GNG7: variants seen among roughly 807,000 people sequenced by gnomAD.
The protein encoded by GNG7 is G protein subunit gamma 7, also known as guanine nucleotide-binding protein G(I)/G(S)/G(O) subunit gamma-7.
In GNG7, 1 loss-of-function variant was observed where a neutral mutation model predicts 4.0. The observed-to-expected ratio is 0.25, with a 90% CI of 0.09 to 1.18. The LOEUF is 1.18. Among genes scored for constraint, GNG7 ranks in the 50% most tolerant of loss-of-function variants. The pLI is 0.50. For synonymous variants in GNG7, 34 were observed against 36.9 expected (o/e 0.92, Z 0.29); for missense variants, 86 against 91.9 (o/e 0.94, Z 0.26).
intron 1 of GNG7, among the ~76,000 whole-genome samples, chr19:2,670,147 C>T (rs1983414822): frequency 6.6e-6 from 1 of 152,160 alleles, no homozygotes; most frequent in African/African-American, 2.4e-5. Flanking sequence ...TCTCTGAGTG[C>T]TCCGTTAATA....
At chr19:2,551,676 T>A (rs562777573) in intron 3 of GNG7, among the ~76,000 whole-genome samples, 1,616 of 83,494 alleles carry the variant, frequency 0.019, 31 homozygotes, top group African/African-American at 0.073. Context: ...ATTTAAAAAA[T>A]ATATATATAT....
intron 3 of GNG7, among the ~76,000 whole-genome samples, chr19:2,529,211 T>TTTTG (rs368933480): frequency 6.6e-6 from 1 of 152,070 alleles, no homozygotes; most frequent in African/African-American, 2.4e-5. Context: ...TGGTGGGTTT[T>TTTTG]TTTGTTTGTT....
chr19:2,596,632 G>T (rs918095909), intron 2 of GNG7, among the ~76,000 whole-genome samples: 2 of 151,324 alleles, frequency 1.3e-5, no homozygotes, highest in African/African-American at 4.9e-5. Flanking sequence ...TTATGCCACT[G>T]CACTCCAGCC....
intron 1 of GNG7, among the ~76,000 whole-genome samples, chr19:2,701,482 C>T (rs1165964639): frequency 6.6e-6 from 1 of 150,714 alleles, no homozygotes; most frequent in East Asian, 2.0e-4. Context: ...GCCCCCAGAC[C>T]CTTTCTGGAA....
intron 1 of GNG7, among the ~76,000 whole-genome samples, chr19:2,682,941 A>C (rs1293851588): frequency 6.6e-6 from 1 of 151,748 alleles, no homozygotes; most frequent in Non-Finnish European, 1.5e-5. Context: ...CTCACTGAAT[A>C]AGGACTCCCG....
At chr19:2,578,049 G>C (rs113911382) in intron 2 of GNG7, among the ~76,000 whole-genome samples, 2 of 151,788 alleles carry the variant, frequency 1.3e-5, no homozygotes, top group Admixed American at 6.6e-5. Context: ...TGTTGCCCAG[G>C]CTGGTCTTGA....
chr19:2,654,413 C>G (rs966231671), intron 1 of GNG7, among the ~76,000 whole-genome samples: 1 of 151,998 alleles, frequency 6.6e-6, no homozygotes, highest in Non-Finnish European at 1.5e-5. Context: ...GGGAGCTGAA[C>G]AGCATCCCTG....
rs1972673383 is a variant in GNG7 at position 2,512,739 on chromosome 19, G to A, written c.*2283C>T. 3.8e-6 allele frequency: 1 copy of A among 260,590 alleles called. No homozygotes were observed. Among genetic ancestry groups the A allele is most frequent in the South Asian group, 1.4e-4 (1 of 6,944 alleles). 16.1% of individuals were successfully genotyped at this position (260,590 alleles called of 1,614,324 possible). A position where few individuals can be genotyped will look rare whatever the true frequency, so the allele number is the denominator to read the frequency against. ...CTGGCAGCGGGGGCTCGGGGATTAA[G>A]GCCTCTTTTAAGGAAAAACGGGGTG... is the stretch of plus-strand genomic sequence containing the variant. On this transcript the variant is annotated 3_prime_UTR_variant, in exon 5 of 5. Coordinates refer to ENST00000382159, the MANE Select transcript of GNG7 (RefSeq NM_052847.3). The surrounding 1 kb of genome is among the most constrained non-coding windows in gnomAD (Gnocchi z 4.7).
chr19:2,685,741 G>A (rs539207210), intron 1 of GNG7, among the ~76,000 whole-genome samples: 7 of 152,270 alleles, frequency 4.6e-5, no homozygotes, highest in African/African-American at 7.2e-5. Flanking sequence ...GTCAAACGTC[G>A]GATGCCCAGT....
chr19:2,522,030 C>A (rs1233963862), intron 3 of GNG7, among the ~76,000 whole-genome samples: 4 of 152,078 alleles, frequency 2.6e-5, no homozygotes, highest in Non-Finnish European at 5.9e-5. Context: ...CTTGGGAGTC[C>A]GTGGAATCCC....
At chr19:2,524,875 T>A (rs1207652472) in intron 3 of GNG7, among the ~76,000 whole-genome samples, 4 of 152,152 alleles carry the variant, frequency 2.6e-5, no homozygotes, top group African/African-American at 9.7e-5. Flanking sequence ...CGTGCGTGGG[T>A]GTGTACATGT....
intron 3 of GNG7, among the ~76,000 whole-genome samples, chr19:2,534,930 G>C (rs1978690608): frequency 6.6e-6 from 1 of 152,190 alleles, no homozygotes; most frequent in South Asian, 2.1e-4. Context: ...CCCACATTGG[G>C]GAGGGGGAGG....
intron 2 of GNG7, among the ~76,000 whole-genome samples, chr19:2,578,127 C>G (rs186801902): frequency 2.0e-5 from 3 of 152,220 alleles, no homozygotes; most frequent in East Asian, 3.9e-4. Flanking sequence ...CGTGAGCCAC[C>G]GCGCCCGGCT....
chr19:2,654,509 A>G (rs546480949), intron 1 of GNG7, among the ~76,000 whole-genome samples: 1 of 132,290 alleles, frequency 7.6e-6, no homozygotes, highest in South Asian at 2.4e-4. Context: ...CCTGGGGAAC[A>G]GAATCATCCC....
intron 2 of GNG7, among the ~76,000 whole-genome samples, chr19:2,559,206 G>T (rs1027623044): frequency 6.6e-6 from 1 of 151,762 alleles, no homozygotes; most frequent in South Asian, 2.1e-4. Flanking sequence ...ATTATTTGTG[G>T]TAGTTCTGTT....
chr19:2,596,023 G>T (rs1981008474), intron 2 of GNG7, among the ~76,000 whole-genome samples: 1 of 152,002 alleles, frequency 6.6e-6, no homozygotes, highest in African/African-American at 2.4e-5. Flanking sequence ...AGAGGAGGAA[G>T]CAACGCTTAC....
At chr19:2,696,801 G>A (rs369158385) in intron 1 of GNG7, among the ~76,000 whole-genome samples, 45 of 152,324 alleles carry the variant, frequency 3.0e-4, no homozygotes, top group African/African-American at 1.0e-3. Context: ...TGCCAGGGCT[G>A]GGGGAGGGGG....
At position 2,657,337 on chromosome 19, in the gene GNG7, TAAAAAAAAAAAAAAAAAA is replaced by T. The variant is rs372388972; in HGVS notation, c.-134-11075_-134-11058del. ...TGACAAAGCAAGACCCCGTCTCAAT[TAAAAAAAAAAAAAAAAAA>T]AAAAAAATATATATATATATATATA... On this transcript the variant is annotated intron_variant, in intron 1 of 4. Transcript: ENST00000382159. Among the ~76,000 whole-genome samples, 133 of 13,938 alleles carry T rather than the reference TAAAAAAAAAAAAAAAAAA, an allele frequency of 9.5e-3. 2 individuals are homozygous for T. Among genetic ancestry groups the T allele is most frequent in the South Asian group, 0.078 (32 of 410 alleles). The allele number at this position is 13,938 out of a possible 152,430, so 9.1% of individuals were successfully genotyped here. A position where few individuals can be genotyped will look rare whatever the true frequency, so the allele number is the denominator to read the frequency against.
intron 2 of GNG7, among the ~76,000 whole-genome samples, chr19:2,556,931 G>T (rs1164561007): frequency 6.6e-6 from 1 of 152,116 alleles, no homozygotes; most frequent in East Asian, 1.9e-4. Flanking sequence ...GGTCCCCTGG[G>T]GGGCAGAATC....
Sources: allele counts gnomAD v4.1 joint callset (sites outside exome capture counted in the v4.1 genomes callset), GRCh38; gene constraint gnomAD v4.1.1; non-coding constraint Gnocchi (gnomAD v3.1); transcripts MANE v1.5; gene names NCBI Gene and HGNC (gene_info 2026-07-23, HGNC 2026-07-21).